CSMD1: variants seen among roughly 807,000 people sequenced by gnomAD.
The protein encoded by CSMD1 is CUB and Sushi multiple domains 1.
A neutral mutation model predicts 417.5 loss-of-function variants in CSMD1; 213 were observed. The ratio of observed to expected loss-of-function variants is 0.51; its 90% CI spans 0.46 to 0.57. The LOEUF (loss-of-function observed/expected upper bound fraction) is 0.57, where lower values mean the gene tolerates loss of function less well. Ranked by LOEUF, CSMD1 falls within the 20% of genes least tolerant of loss-of-function variation. The pLI is 0.00. For synonymous variants in CSMD1, 2,862 were observed against 1,736.8 expected (o/e 1.65, Z -16.11); for missense variants, 6,923 against 4,529.7 (o/e 1.53, Z -15.17).
intron 3 of CSMD1, among the ~76,000 whole-genome samples, chr8:4,152,457 T>C (rs1796617633): frequency 6.6e-6 from 1 of 152,020 alleles, no homozygotes. Context: ...AGTGGCTTGC[T>C]TGAGCCCAGC....
chr8:4,390,495 A>ATT (rs1554457294), intron 3 of CSMD1, among the ~76,000 whole-genome samples: 1 of 26,544 alleles, frequency 3.8e-5, no homozygotes, highest in African/African-American at 3.9e-4. Flanking sequence ...AGAAGCGTCC[A>ATT]TTTTTATTTA....
chr8:3,863,621 T>G (rs565694745), intron 5 of CSMD1, among the ~76,000 whole-genome samples: 2 of 152,196 alleles, frequency 1.3e-5, no homozygotes, highest in Non-Finnish European at 2.9e-5. Context: ...ATGTATGTTT[T>G]GTTCACTTCA....
chr8:3,708,373 A>G, intron 7 of CSMD1, 41 bp downstream of exon 7: 1 of 1,545,354 alleles, frequency 6.5e-7, no homozygotes, highest in East Asian at 2.2e-5. Context: ...CTCTGCTTAC[A>G]AGGGCGTATC....
intron 1 of CSMD1, among the ~76,000 whole-genome samples, chr8:4,713,626 A>G (rs1246007526): frequency 6.6e-6 from 1 of 152,024 alleles, no homozygotes; most frequent in Non-Finnish European, 1.5e-5. Context: ...AAGTTCTCAC[A>G]TAACAATATA....
chr8:3,001,506 A>G (rs1000859928), intron 52 of CSMD1, among the ~76,000 whole-genome samples: 2 of 152,216 alleles, frequency 1.3e-5, no homozygotes, highest in Non-Finnish European at 2.9e-5. Flanking sequence ...AAGAAGAGGA[A>G]AAACATTCAC....
chr8:3,017,916 A>C (rs1808993162), intron 52 of CSMD1, among the ~76,000 whole-genome samples: 1 of 151,622 alleles, frequency 6.6e-6, no homozygotes. Flanking sequence ...TACTAAGATC[A>C]CTCTTTACTA....
At chr8:4,318,316 T>C (rs1182093555) in intron 3 of CSMD1, among the ~76,000 whole-genome samples, 1 of 152,162 alleles carries the variant, frequency 6.6e-6, no homozygotes, top group Non-Finnish European at 1.5e-5. Context: ...AAATCTAAAA[T>C]CTTTACCATT....
At chr8:3,803,728 G>A (rs1306445515) in intron 5 of CSMD1, among the ~76,000 whole-genome samples, 1 of 152,144 alleles carries the variant, frequency 6.6e-6, no homozygotes, top group Non-Finnish European at 1.5e-5. Flanking sequence ...ACTTCAGATT[G>A]GAAGCCAGTG....
At chr8:3,197,952 G>A (rs1176424087) in intron 33 of CSMD1, among the ~76,000 whole-genome samples, 1 of 152,132 alleles carries the variant, frequency 6.6e-6, no homozygotes, top group Non-Finnish European at 1.5e-5. Flanking sequence ...AAACACACTA[G>A]TAGGAGCAAA....
Position 3,142,558 on chromosome 8 carries a change from G to A in CSMD1, c.6148C>T (p.Pro2050Ser), listed in dbSNP as rs753451258. The change falls in exon 41 of 70, where the codon CCC (proline) becomes TCC (serine). Residue 2050 changes from proline to serine, a missense_variant. By Grantham distance (74) the Pro-to-Ser change is moderately conservative. Transcript: ENST00000635120. ...MIGQFSGTDL[P>S]AALLSTTHET... The stretch of plus-strand genomic sequence containing the variant: ...TGCGTTGTGCTCAGCAGGGCCGCGG[G>A]GAGATCCGTGCCGCTAAATTGTCCA... 2 of 1,613,980 alleles carry A rather than the reference G, an allele frequency of 1.2e-6. No individual in the cohort carries two copies. Among genetic ancestry groups the A allele is most frequent in the Non-Finnish European group, 1.7e-6 (2 of 1,179,894 alleles).
Position 2,965,759 on chromosome 8 carries a change from G to A in CSMD1, c.9280+16C>T. 1.3e-6 allele frequency: 2 copies of A among 1,587,936 alleles called. No individual in the cohort carries two copies. Among genetic ancestry groups the A allele is most frequent in the African/African-American group, 1.3e-5 (1 of 74,570 alleles). Reference sequence around the variant, plus strand: ...TCTATACACATCTGTAAAATCCAAAGAGTCACCAAACAAACCTTTGCAGAC... The same window carrying A: ...TCTATACACATCTGTAAAATCCAAAAAGTCACCAAACAAACCTTTGCAGAC... On this transcript the variant is annotated intron_variant, in intron 59 of 69. Coordinates refer to ENST00000635120, the MANE Select transcript of CSMD1 (RefSeq NM_033225.6).
At chr8:4,404,753 C>CTTAGTATTATTGTGAGTATTATTAA (rs1261070006) in intron 3 of CSMD1, among the ~76,000 whole-genome samples, 44 of 152,010 alleles carry the variant, frequency 2.9e-4, no homozygotes, top group African/African-American at 1.0e-3. Flanking sequence ...TTGGATGGCA[C>CTTAGTATTATTGTGAGTATTATTAA]ATATAAATGA....
chr8:4,436,604 G>A (rs957721622), intron 2 of CSMD1, among the ~76,000 whole-genome samples: 4 of 152,084 alleles, frequency 2.6e-5, no homozygotes, highest in Non-Finnish European at 5.9e-5. Flanking sequence ...TGCTGTGCAA[G>A]CAAATAGGTC....
At chr8:3,501,157 C>G (rs573138019) in intron 10 of CSMD1, among the ~76,000 whole-genome samples, 1 of 152,244 alleles carries the variant, frequency 6.6e-6, no homozygotes, top group East Asian at 1.9e-4. Context: ...AGAGAGACCA[C>G]TTCTCCTGAT....
intron 5 of CSMD1, among the ~76,000 whole-genome samples, chr8:3,915,823 G>C (rs567439791): frequency 7.0e-6 from 1 of 143,226 alleles, no homozygotes; most frequent in African/African-American, 2.6e-5. Context: ...ATGCATTTTG[G>C]GGTTTAACAT....
chr8:3,040,484 A>G (rs28692784), intron 50 of CSMD1, among the ~76,000 whole-genome samples: 10,397 of 149,954 alleles, frequency 0.069, 444 homozygotes, highest in Non-Finnish European at 0.089. Flanking sequence ...ATATAAACAT[A>G]TAAACATATA....
intron 15 of CSMD1, among the ~76,000 whole-genome samples, chr8:3,400,868 C>T (rs1277252845): frequency 6.6e-6 from 1 of 151,162 alleles, no homozygotes; most frequent in Non-Finnish European, 1.5e-5. Context: ...ATGCATTATT[C>T]TGTAGTTTAA....
intron 3 of CSMD1, among the ~76,000 whole-genome samples, chr8:4,049,335 G>A (rs1021646244): frequency 6.6e-6 from 1 of 151,764 alleles, no homozygotes; most frequent in African/African-American, 2.4e-5. Flanking sequence ...TCTACTAGAT[G>A]CCATAGCACT....
chr8:3,514,883 A>G (rs934360543), intron 10 of CSMD1, among the ~76,000 whole-genome samples: 2 of 152,194 alleles, frequency 1.3e-5, no homozygotes, highest in East Asian at 1.9e-4. Flanking sequence ...GAGAAATAAA[A>G]TAAATTTTAT....
Sources: gnomAD v4.1 joint callset for allele counts (sites outside exome capture counted in the v4.1 genomes callset) on GRCh38, gnomAD v4.1.1 for gene constraint, MANE v1.5 for transcripts, NCBI Gene and HGNC (gene_info 2026-07-23, HGNC 2026-07-21) for gene names.